The following SLC24A3 variants were observed in gnomAD, a reference collection of about 807,000 sequenced individuals.
SLC24A3 encodes solute carrier family 24 member 3.
In SLC24A3, 28 loss-of-function variants were observed where a neutral mutation model predicts 75.8. The ratio of observed to expected loss-of-function variants is 0.37; its 90% confidence interval spans 0.27 to 0.51. SLC24A3 has a LOEUF of 0.51. Ranked by LOEUF, SLC24A3 falls within the 20% of genes least tolerant of loss-of-function variation. The pLI is 0.94. For synonymous variants in SLC24A3, 372 were observed against 334.1 expected (o/e 1.11, Z -1.24); for missense variants, 663 against 847.8 (o/e 0.78, Z 2.71).
chr20:19,699,971 C>T (rs934099446), intron 15 of SLC24A3, among the ~76,000 whole-genome samples: 2 of 152,142 alleles, frequency 1.3e-5, no homozygotes, highest in African/African-American at 2.4e-5. Context: ...CATGGCCTAT[C>T]GCTTCTGGGG....
At chr20:19,368,017 T>C (rs750453159) in intron 2 of SLC24A3, among the ~76,000 whole-genome samples, 16 of 152,316 alleles carry the variant, frequency 1.1e-4, no homozygotes, top group East Asian at 1.9e-4. Flanking sequence ...TTGGAATAGA[T>C]GGTAGTAAAG....
chr20:19,293,046 A>C (rs1403908043), intron 2 of SLC24A3, among the ~76,000 whole-genome samples: 1 of 143,282 alleles, frequency 7.0e-6, no homozygotes, highest in Non-Finnish European at 1.6e-5. Context: ...CTAGGAATTT[A>C]GCATGAGAAT....
chr20:19,289,319 A>G (rs1983885578), intron 2 of SLC24A3, among the ~76,000 whole-genome samples: 1 of 152,174 alleles, frequency 6.6e-6, no homozygotes, highest in Admixed American at 6.5e-5. Flanking sequence ...GGCCTGGAAC[A>G]CCCCTTGCTC....
chr20:19,706,229 G>A (rs1245538934), intron 15 of SLC24A3, among the ~76,000 whole-genome samples: 1 of 152,182 alleles, frequency 6.6e-6, no homozygotes, highest in Non-Finnish European at 1.5e-5. Flanking sequence ...TTAATTGAGT[G>A]CCTACTATGT....
At position 19,453,054 on chromosome 20, in the gene SLC24A3, G is replaced by A. The variant is rs185560529; in HGVS notation, c.272-62434G>A. On this transcript the variant is annotated intron_variant, in intron 2 of 16. Transcript: ENST00000328041. ...AAAATTTGCCTGCGTGGTGGCGGGC[G>A]CCTGTAATCCCAGCTACTCAGGAGA... Among the ~76,000 whole-genome samples, 35 of 152,120 alleles carry A rather than the reference G, an allele frequency of 2.3e-4. No homozygotes were observed. The East Asian group carries it at 5.8e-3, about 25-fold the overall frequency.
intron 6 of SLC24A3, among the ~76,000 whole-genome samples, chr20:19,645,447 G>C (rs2032126070): frequency 6.6e-6 from 1 of 152,122 alleles, no homozygotes; most frequent in Admixed American, 6.5e-5. Context: ...AAGTGGAGTG[G>C]TTGGGTCTAA....
intron 2 of SLC24A3, among the ~76,000 whole-genome samples, chr20:19,488,008 TC>T: frequency 6.6e-6 from 1 of 152,254 alleles, no homozygotes; most frequent in East Asian, 1.9e-4. Flanking sequence ...TCAATGACCA[TC>T]TCTGCATGTT....
chr20:19,262,069 CA>C (rs1410087923), intron 1 of SLC24A3, among the ~76,000 whole-genome samples: 1 of 152,068 alleles, frequency 6.6e-6, no homozygotes. Context: ...TCCATGGTGG[CA>C]AAATGGCTGC....
intron 3 of SLC24A3, among the ~76,000 whole-genome samples, chr20:19,577,473 A>T (rs1030062006): frequency 2.0e-5 from 3 of 152,220 alleles, no homozygotes; most frequent in Non-Finnish European, 2.9e-5. Context: ...CTCCTCAGAA[A>T]TTAGTGAAGT....
chr20:19,516,561 T>C (rs1237188699), intron 3 of SLC24A3, among the ~76,000 whole-genome samples: 1 of 152,234 alleles, frequency 6.6e-6, no homozygotes, highest in Non-Finnish European at 1.5e-5. Context: ...TGGCTGTGGC[T>C]AGACCAGTGG....
rs1568595837 is a variant in SLC24A3 at position 19,346,261 on chromosome 20, ATATATATATGGTG to A, written c.271+65184_271+65196del. On this transcript the variant is annotated intron_variant, in intron 2 of 16. Transcript: ENST00000328041. ...TATATATGGTGTATATATATATGGT[ATATATATATGGTG>A]TATATATATATGGTATATATATATG... Among the ~76,000 whole-genome samples, 46 of 99,660 alleles carry A rather than the reference ATATATATATGGTG, an allele frequency of 4.6e-4. 1 individual carries two copies. The highest frequency in any genetic ancestry group is 3.0e-3 in the African/African-American group (43 of 14,522). 65.4% of individuals were successfully genotyped at this position (99,660 alleles called of 152,430 possible).
chr20:19,278,063 C>G (rs1456742448), intron 1 of SLC24A3, among the ~76,000 whole-genome samples: 1 of 152,214 alleles, frequency 6.6e-6, no homozygotes, highest in East Asian at 1.9e-4. Context: ...TCAATGCCAG[C>G]TGGCACAGTG....
chr20:19,544,566 G>A (rs896682749), intron 3 of SLC24A3, among the ~76,000 whole-genome samples: 1 of 152,146 alleles, frequency 6.6e-6, no homozygotes, highest in East Asian at 1.9e-4. Context: ...GTTAAAGATT[G>A]TAGGAGGGAA....
intron 9 of SLC24A3, among the ~76,000 whole-genome samples, chr20:19,679,451 C>T (rs1394273313): frequency 6.6e-6 from 1 of 151,072 alleles, no homozygotes; most frequent in Non-Finnish European, 1.5e-5. Context: ...GAGATGGCAG[C>T]AGTACAGTCC....
In SLC24A3 at chr20:19,673,607, G is replaced by A; in HGVS notation, c.720G>A (p.Glu240=). ...FIYDEKVSWW[E]SLVLVLMYLI... is the part of the protein sequence containing the mutation. ...GTTCTTGGTTTACACACAGGTGGGA[G>A]TCTTTAGTCCTTGTGCTGATGTATC... The change falls in exon 9 of 17, where the codon GAG becomes GAA. Residue 240 remains glutamate, a synonymous_variant. Transcript: ENST00000328041. 2 of 1,614,046 alleles carry A rather than the reference G, an allele frequency of 1.2e-6. No homozygotes were observed. The highest frequency in any genetic ancestry group is 1.7e-6 in the Non-Finnish European group (2 of 1,179,886).
chr20:19,308,698 G>A (rs1472157422), intron 2 of SLC24A3, among the ~76,000 whole-genome samples: 1 of 152,100 alleles, frequency 6.6e-6, no homozygotes, highest in African/African-American at 2.4e-5. Flanking sequence ...AATACTAAAC[G>A]GGGTTGCAGG....
In SLC24A3 at chr20:19,288,947, GA is replaced by G. The variant is rs1461194074; in HGVS notation, c.271+7864del. Among the ~76,000 whole-genome samples the G allele has an allele frequency of 2.6e-5, 4 of 152,336 alleles. No homozygotes were observed. In the East Asian group the frequency reaches 7.7e-4, roughly 29 times the overall value. ...AGTTGCAACACAGACCACAGGGCTTGAAAAGCCTAAAATATTTATTCTTGGG... is the reference window on the plus strand; with the variant it reads ...AGTTGCAACACAGACCACAGGGCTTGAAAGCCTAAAATATTTATTCTTGGG... On this transcript the variant is annotated intron_variant, in intron 2 of 16. Transcript: ENST00000328041.
intron 9 of SLC24A3, among the ~76,000 whole-genome samples, chr20:19,676,870 C>T (rs2032530391): frequency 6.6e-6 from 1 of 152,226 alleles, no homozygotes; most frequent in Non-Finnish European, 1.5e-5. Flanking sequence ...GCCTCACATT[C>T]AGCCCTGACA....
chr20:19,514,484 G>A (rs2029945131), intron 2 of SLC24A3, among the ~76,000 whole-genome samples: 1 of 152,194 alleles, frequency 6.6e-6, no homozygotes. Flanking sequence ...AAGCTCAGAG[G>A]GAAAGACTTC....
Sources: gnomAD v4.1 joint callset for allele counts (sites outside exome capture counted in the v4.1 genomes callset) on GRCh38, gnomAD v4.1.1 for gene constraint, MANE v1.5 for transcripts, NCBI Gene and HGNC (gene_info 2026-07-23, HGNC 2026-07-21) for gene names.